The following ATP6V1C2 variants were observed in gnomAD, a reference collection of about 807,000 sequenced individuals.
ATP6V1C2 encodes V-type proton ATPase subunit C 2.
ATP6V1C2 carries 45 observed loss-of-function variants against 56.8 expected under a neutral mutation model. The ratio of observed to expected loss-of-function variants is 0.79; its 90% CI spans 0.62 to 1.02. ATP6V1C2 has a LOEUF of 1.02. Ranked by LOEUF, ATP6V1C2 falls within the 50% of genes least tolerant of loss-of-function variation. The pLI is 0.00. For synonymous variants in ATP6V1C2, 220 were observed against 201.3 expected, an observed-to-expected ratio of 1.09 and a Z score of -0.79; for missense variants, 463 against 519.7, an observed-to-expected ratio of 0.89 and a Z score of 1.06.
rs115935676 is a variant in ATP6V1C2 at position 10,772,506 on chromosome 2, T to G, written c.570-36T>G. The G allele has an allele frequency of 1.4e-3, 2,252 of 1,585,462 alleles. 27 individuals are homozygous for G. In the African/African-American group the frequency reaches 0.027, roughly 19 times the overall value. ...ACTCAGGACACCCACGAGCCTTTTC[T>G]GCAAAAAATCACGTAACGATTCTAT... is the stretch of plus-strand genomic sequence containing the variant. On this transcript the variant is annotated intron_variant, in intron 7 of 13. Coordinates refer to ENST00000272238, the MANE Select transcript of ATP6V1C2 (RefSeq NM_001039362.2).
At chr2:10,738,033 C>T (rs1201641712) in intron 3 of ATP6V1C2, among the ~76,000 whole-genome samples, 1 of 152,180 alleles carries the variant, frequency 6.6e-6, no homozygotes, top group East Asian at 1.9e-4. Context: ...CCCTTTGTTC[C>T]TCTCTAGCGC....
At position 10,722,801 on chromosome 2, in the gene ATP6V1C2, A is replaced by T. The variant is rs767145605; in HGVS notation, c.-26-23A>T. ...TCTCTCCTTCTGTTTCTGTTTGTGT[A>T]TGTTTGTCCTGGTTCTGGGCAGTCA... On this transcript the variant is annotated intron_variant, in intron 1 of 13. Transcript: ENST00000272238. 3.7e-6 allele frequency: 6 copies of T among 1,607,132 alleles called. No homozygotes were observed. The Admixed American group carries it at 8.4e-5, about 23-fold the overall frequency.
Position 10,722,929 on chromosome 2 carries a change from C to T in ATP6V1C2, c.80C>T (p.Ser27Phe). ...QALERMNTVT[S>F]KSNLSYNTKF... is the part of the protein sequence containing the mutation. Reference sequence around the variant, plus strand: ...CTGGAGAGGATGAATACTGTAACCTCCAAGTCCAACCTGTCTTATAATACC... The same window carrying T: ...CTGGAGAGGATGAATACTGTAACCTTCAAGTCCAACCTGTCTTATAATACC... Residue 27 changes from serine to phenylalanine, a missense_variant, in exon 2 of 14, where the codon TCC becomes TTC. Transcript: ENST00000272238. 6.2e-7 allele frequency: 1 copy of T among 1,614,032 alleles called. No individual in the cohort carries two copies. Among genetic ancestry groups the T allele is most frequent in the Non-Finnish European group, 8.5e-7 (1 of 1,180,018 alleles).
At chr2:10,765,116 CCT>C (rs1244718428) in intron 5 of ATP6V1C2, among the ~76,000 whole-genome samples, 1 of 152,196 alleles carries the variant, frequency 6.6e-6, no homozygotes, top group Admixed American at 6.5e-5. Context: ...GGAGCCCTAA[CCT>C]CTTCAGACAC....
upstream of ATP6V1C2, among the ~76,000 whole-genome samples, chr2:10,721,217 G>A (rs1177706585): frequency 6.6e-6 from 1 of 152,200 alleles, no homozygotes; most frequent in Non-Finnish European, 1.5e-5. Context: ...ACACCTGGGA[G>A]TAGGTGATTC....
intron 6 of ATP6V1C2, 141 bp downstream of exon 6, chr2:10,768,951 C>A: frequency 1.5e-6 from 1 of 684,606 alleles, no homozygotes. Flanking sequence ...GGCACTCTCA[C>A]CTCTCCAAGA....
chr2:10,724,427 G>C (rs2148401933), intron 2 of ATP6V1C2, among the ~76,000 whole-genome samples: 1 of 152,240 alleles, frequency 6.6e-6, no homozygotes, highest in South Asian at 2.1e-4. Context: ...GGCAGCAGTG[G>C]GTTCTGAAAC....
At chr2:10,721,144 GCAC>G (rs928351114), upstream of ATP6V1C2, among the ~76,000 whole-genome samples, 4 of 152,184 alleles carry the variant, frequency 2.6e-5, no homozygotes, top group African/African-American at 9.6e-5. Flanking sequence ...TGCGTCCCGA[GCAC>G]CTGCGCACCT....
intron 3 of ATP6V1C2, among the ~76,000 whole-genome samples, chr2:10,744,669 CTTTTTTTT>C (rs772851204): frequency 1.6e-5 from 2 of 125,566 alleles, no homozygotes; most frequent in Non-Finnish European, 3.3e-5. Flanking sequence ...TTCTCTTTTT[CTTTTTTTT>C]TTTTTTTTTT....
At chr2:10,758,676 C>G in intron 4 of ATP6V1C2, among the ~76,000 whole-genome samples, 1 of 142,342 alleles carries the variant, frequency 7.0e-6, no homozygotes, top group South Asian at 2.2e-4. Flanking sequence ...TTTTCTTTTT[C>G]TTTTTGAGAC....
At chr2:10,760,027 T>TG (rs1663809383) in intron 4 of ATP6V1C2, among the ~76,000 whole-genome samples, 1 of 94,418 alleles carries the variant, frequency 1.1e-5, no homozygotes, top group African/African-American at 4.9e-5. Context: ...TTTTTTGTTT[T>TG]TTGTTTTTTT....
chr2:10,738,205 G>T (rs947816968), intron 3 of ATP6V1C2, among the ~76,000 whole-genome samples: 1 of 152,146 alleles, frequency 6.6e-6, no homozygotes, highest in African/African-American at 2.4e-5. Flanking sequence ...CCTTCACCTG[G>T]TCATCCTGAC....
At chr2:10,730,092 A>G (rs1360720359) in intron 3 of ATP6V1C2, among the ~76,000 whole-genome samples, 1 of 152,112 alleles carries the variant, frequency 6.6e-6, no homozygotes, top group African/African-American at 2.4e-5. Flanking sequence ...ACTGTATGGA[A>G]TTAGGAGTTC....
At chr2:10,769,869 A>G (rs79983629) in intron 6 of ATP6V1C2, 61 of 152,156 alleles carry the variant, frequency 4.0e-4, no homozygotes, top group Non-Finnish European at 6.9e-4. Flanking sequence ...ACCCTGGTCA[A>G]TTGTAGAGTT....
In ATP6V1C2 at chr2:10,780,126, C is replaced by T. The variant is rs553965738; in HGVS notation, c.1061+1457C>T. Among the ~76,000 whole-genome samples, 49 of 152,228 alleles carry T rather than the reference C, an allele frequency of 3.2e-4. 1 individual carries two copies. The highest frequency in any genetic ancestry group is 1.1e-3 in the African/African-American group (45 of 41,548). On this transcript the variant is annotated intron_variant, in intron 12 of 13. Coordinates refer to ENST00000272238, the MANE Select transcript of ATP6V1C2 (RefSeq NM_001039362.2). The surrounding 1 kb of genome is among the most constrained non-coding windows in gnomAD (Gnocchi z 4.1). The stretch of plus-strand genomic sequence containing the variant: ...TTCCCTCGTTTTCCTGCCCATGTTC[C>T]CTGGTTTCCAGGTCCTGCCATCTGC...
intron 12 of ATP6V1C2, among the ~76,000 whole-genome samples, chr2:10,781,843 C>G (rs974015268): frequency 6.6e-6 from 1 of 152,190 alleles, no homozygotes; most frequent in Non-Finnish European, 1.5e-5. Context: ...AAAAACTCAG[C>G]GAAAATAGTA....
chr2:10,722,022 AG>A (rs527751418), intron 1 of ATP6V1C2, among the ~76,000 whole-genome samples: 78 of 152,296 alleles, frequency 5.1e-4, no homozygotes, highest in African/African-American at 1.8e-3. Context: ...CGAAAGGAAG[AG>A]GTTCCACCAG....
At chr2:10,754,831 C>T (rs1663441490) in intron 4 of ATP6V1C2, among the ~76,000 whole-genome samples, 2 of 151,908 alleles carry the variant, frequency 1.3e-5, no homozygotes, top group Admixed American at 6.5e-5. Context: ...CCCGCCTCGG[C>T]CTCCCAAAGT....
At chr2:10,771,293 G>A (rs996545830) in intron 6 of ATP6V1C2, among the ~76,000 whole-genome samples, 1 of 152,176 alleles carries the variant, frequency 6.6e-6, no homozygotes, top group Non-Finnish European at 1.5e-5. Flanking sequence ...CGACAGCCTT[G>A]ATCCATGTGC....
Sources: gnomAD v4.1 joint callset for allele counts (sites outside exome capture counted in the v4.1 genomes callset) on GRCh38, gnomAD v4.1.1 for gene constraint, Gnocchi (gnomAD v3.1) non-coding constraint, MANE v1.5 for transcripts, NCBI Gene and HGNC (gene_info 2026-07-23, HGNC 2026-07-21) for gene names.